Variants in ELOVL5 observed in about 807,000 individuals in gnomAD.
ELOVL5 encodes very long chain fatty acid elongase 5.
Under a neutral mutation model 38.6 loss-of-function variants are expected in ELOVL5, and 8 were observed. That is an observed-to-expected ratio of 0.21 (90% CI 0.12 to 0.37). ELOVL5 has a LOEUF of 0.37. ELOVL5 is among the 10% of genes least tolerant of loss of function. The probability of loss-of-function intolerance (pLI) is 1.00; values close to 1 mark genes in which losing one functional copy is unlikely to be tolerated. For synonymous variants in ELOVL5, 127 were observed against 133.7 expected, an observed-to-expected ratio of 0.95 and a Z score of 0.34; for missense variants, 280 against 367.8, an observed-to-expected ratio of 0.76 and a Z score of 1.95.
At chr6:53,277,745 T>TTAA (rs1437720016) in intron 3 of ELOVL5, 4 of 152,374 alleles carry the variant, frequency 2.6e-5, no homozygotes, top group African/African-American at 9.6e-5. Context: ...TCAGAAGTCC[T>TTAA]AAGAAGCAAG....
At position 53,270,653 on chromosome 6, in the gene ELOVL5, C is replaced by A. The variant is rs756735815; in HGVS notation, c.696G>T (p.Leu232Phe). ...AAATCATGTATCCAATCTGGAAATA[C>A]AACCAACCAAGAGGGAATGTGCACG... is the stretch of plus-strand genomic sequence containing the variant. Reference protein sequence around the residue: ...IWPCTFPLGWLYFQIGYMISL... With the variant: ...IWPCTFPLGWFYFQIGYMISL... Residue 232 changes from leucine (L) to phenylalanine (F), a missense_variant, in exon 7 of 8, where the codon TTG becomes TTT. Physicochemically the swap from Leu to Phe is conservative, Grantham distance 22 (BLOSUM62 0). Transcript: ENST00000304434. The A allele has an allele frequency of 4.3e-6, 7 of 1,614,120 alleles. No individual in the cohort carries two copies. Among genetic ancestry groups the A allele is most frequent in the Non-Finnish European group, 5.9e-6 (7 of 1,180,004 alleles).
chr6:53,270,188 G>C (rs1323580256), intron 7 of ELOVL5, among the ~76,000 whole-genome samples: 1 of 152,008 alleles, frequency 6.6e-6, no homozygotes. Context: ...AAGAAAGCTG[G>C]GACAAAAAAG....
chr6:53,300,216 T>C (rs984686083), intron 1 of ELOVL5, among the ~76,000 whole-genome samples: 15 of 152,152 alleles, frequency 9.9e-5, no homozygotes, highest in Non-Finnish European at 1.8e-4. Flanking sequence ...CACAGGTTAC[T>C]AAGAGACACC....
intron 1 of ELOVL5, among the ~76,000 whole-genome samples, chr6:53,317,474 T>C (rs1768100239): frequency 6.6e-6 from 1 of 152,166 alleles, no homozygotes; most frequent in South Asian, 2.1e-4. Context: ...ATAAAAATGA[T>C]GAGTCCATGT....
intron 1 of ELOVL5, among the ~76,000 whole-genome samples, chr6:53,309,253 T>C (rs1767725196): frequency 1.3e-5 from 2 of 152,200 alleles, no homozygotes; most frequent in African/African-American, 2.4e-5. Flanking sequence ...AGTAACTCCC[T>C]GTTTCATCAT....
intron 2 of ELOVL5, among the ~76,000 whole-genome samples, chr6:53,295,285 T>C (rs771762262): frequency 5.3e-5 from 8 of 152,198 alleles, no homozygotes; most frequent in Non-Finnish European, 1.0e-4. Flanking sequence ...CCCTTAAAAT[T>C]GTAAAAGGGG....
intron 1 of ELOVL5, among the ~76,000 whole-genome samples, chr6:53,333,519 C>T (rs1222132984): frequency 6.6e-6 from 1 of 152,138 alleles, no homozygotes; most frequent in African/African-American, 2.4e-5. Flanking sequence ...TGTTTTAAAT[C>T]GTGCTGCACT....
At chr6:53,302,660 T>A (rs1422885046) in intron 1 of ELOVL5, among the ~76,000 whole-genome samples, 13 of 136,494 alleles carry the variant, frequency 9.5e-5, no homozygotes. Flanking sequence ...AGTAAAGAGT[T>A]GGTATAAGAA....
intron 1 of ELOVL5, among the ~76,000 whole-genome samples, chr6:53,325,545 T>C (rs958520038): frequency 2.0e-5 from 3 of 152,126 alleles, no homozygotes; most frequent in Non-Finnish European, 4.4e-5. Context: ...ACATGAAAAG[T>C]TGATTTCCCA....
At chr6:53,311,218 C>T (rs1767815740) in intron 1 of ELOVL5, among the ~76,000 whole-genome samples, 1 of 152,202 alleles carries the variant, frequency 6.6e-6, no homozygotes, top group South Asian at 2.1e-4. Flanking sequence ...GCTCCTGTGG[C>T]TGTCCTACCT....
intron 1 of ELOVL5, among the ~76,000 whole-genome samples, chr6:53,335,763 C>G (rs1056768313): frequency 3.3e-5 from 5 of 152,148 alleles, no homozygotes; most frequent in African/African-American, 1.2e-4. Context: ...GATTTTCCAG[C>G]CACCTGCAGC....
intron 3 of ELOVL5, among the ~76,000 whole-genome samples, chr6:53,280,796 T>C (rs1766322304): frequency 6.6e-6 from 1 of 152,180 alleles, no homozygotes; most frequent in Non-Finnish European, 1.5e-5. Context: ...GGTTTCACCA[T>C]GTTGCGCAGG....
chr6:53,340,946 T>C (rs1250234178), intron 1 of ELOVL5, among the ~76,000 whole-genome samples: 1 of 152,180 alleles, frequency 6.6e-6, no homozygotes, highest in Admixed American at 6.5e-5. Flanking sequence ...TGAGCGTATA[T>C]ACCTTGTAAA....
At chr6:53,324,799 A>G (rs1165473274) in intron 1 of ELOVL5, among the ~76,000 whole-genome samples, 3 of 152,064 alleles carry the variant, frequency 2.0e-5, no homozygotes, top group Admixed American at 6.6e-5. Flanking sequence ...ATGGGCTATC[A>G]TACCAAAAAA....
intron 5 of ELOVL5, 136 bp from the exon 6 acceptor site, chr6:53,273,480 A>T: frequency 1.3e-6 from 1 of 759,084 alleles, no homozygotes; most frequent in Non-Finnish European, 2.1e-6. Flanking sequence ...CAAACACTGC[A>T]ACAGCAAGCA....
intron 3 of ELOVL5, chr6:53,277,845 C>T (rs1209106034): frequency 6.6e-6 from 1 of 152,174 alleles, no homozygotes; most frequent in African/African-American, 2.4e-5. Context: ...GAAGGGCCAG[C>T]TTAGCACAGT....
intron 3 of ELOVL5, among the ~76,000 whole-genome samples, chr6:53,285,131 G>A (rs375665423): frequency 1.3e-5 from 2 of 152,174 alleles, no homozygotes; most frequent in East Asian, 3.8e-4. Flanking sequence ...AAGGCAGGTG[G>A]AAAGCTGAGA....
intron 1 of ELOVL5, among the ~76,000 whole-genome samples, chr6:53,309,315 T>C (rs1248482233): frequency 3.9e-5 from 6 of 152,330 alleles, no homozygotes; most frequent in Admixed American, 1.3e-4. Context: ...CTGCTGCTGC[T>C]GCCAAATCAA....
chr6:53,282,993 A>G (rs1426003074), intron 3 of ELOVL5, among the ~76,000 whole-genome samples: 1 of 152,228 alleles, frequency 6.6e-6, no homozygotes, highest in Non-Finnish European at 1.5e-5. Context: ...CAGAGGTTAG[A>G]AAGCACAAAC....
Sources: allele counts gnomAD v4.1 joint callset (sites outside exome capture counted in the v4.1 genomes callset), GRCh38; gene constraint gnomAD v4.1.1; transcripts MANE v1.5; gene names NCBI Gene and HGNC (gene_info 2026-07-23, HGNC 2026-07-21).